HADHA: variants seen among roughly 807,000 people sequenced by gnomAD.
HADHA encodes the protein hydroxyacyl-CoA dehydrogenase trifunctional multienzyme complex subunit alpha.
Under a neutral mutation model 91.3 loss-of-function variants are expected in HADHA, and 59 were observed. The observed-to-expected ratio is 0.65, with a 90% CI of 0.52 to 0.80. The LOEUF (loss-of-function observed/expected upper bound fraction) is 0.80. HADHA is among the 30% of genes least tolerant of loss of function. The pLI is 0.00. For synonymous variants in HADHA, 320 were observed against 338.9 expected (o/e 0.94, Z 0.61); for missense variants, 800 against 927.6 (o/e 0.86, Z 1.79).
At chr2:26,192,264 T>C (rs1185888159) in intron 18 of HADHA, 46 bp downstream of exon 18, 2 of 979,692 alleles carry the variant, frequency 2.0e-6, no homozygotes, top group South Asian at 2.5e-5. Flanking sequence ...CTTTGGGCTG[T>C]CAGAGAAAGT....
At chr2:26,215,258 A>G in intron 7 of HADHA, 83 bp from the exon 8 acceptor site, 1 of 1,266,156 alleles carries the variant, frequency 7.9e-7, no homozygotes. Flanking sequence ...TGCCAAAGCC[A>G]AAGGCCCTAG....
chr2:26,232,703 G>A (rs1351121440), intron 5 of HADHA, among the ~76,000 whole-genome samples: 14 of 152,124 alleles, frequency 9.2e-5, no homozygotes. Context: ...ATCAAATTCT[G>A]CTTATAGTTT....
chr2:26,191,329 G>A lies in HADHA; in HGVS notation c.2213C>T (p.Ala738Val). The A allele has an allele frequency of 6.2e-7, 1 of 1,614,048 alleles. No homozygotes were observed. The highest frequency in any genetic ancestry group is 1.1e-5 in the South Asian group (1 of 91,076). ...KIVDRLKKYEAAYGKQFTPCQ... is the reference protein window; with the variant it reads ...KIVDRLKKYEVAYGKQFTPCQ... ...TGGGGTGAACTGTTTTCCATAGGCA[G>A]CTTCATATTTCTTGAGCCGGTCCAC... The change falls in exon 20 of 20, where the codon GCT (alanine) becomes GTT (valine). Residue 738 changes from alanine (A) to valine (V), a missense_variant. Coordinates refer to ENST00000380649, the MANE Select transcript of HADHA (RefSeq NM_000182.5).
chr2:26,201,606 C>T (rs963301558), intron 12 of HADHA, among the ~76,000 whole-genome samples: 16 of 152,154 alleles, frequency 1.1e-4, no homozygotes, highest in African/African-American at 3.6e-4. Context: ...CTAAATCACT[C>T]TTAAACCAGT....
In HADHA at chr2:26,214,245, A is replaced by G. The variant is rs985838205; in HGVS notation, c.918+198T>C. ...GCATCAATCAATGAGTAAGTCCAGC[A>G]CTGATTTTCCCCAAATATATCACTT... On this transcript the variant is annotated intron_variant, in intron 9 of 19. Coordinates refer to ENST00000380649, the MANE Select transcript of HADHA (RefSeq NM_000182.5). The surrounding 1 kb of genome is among the most constrained non-coding windows in gnomAD (Gnocchi z 4.1). 2.6e-5 allele frequency among the ~76,000 whole-genome samples: 4 copies of G among 152,194 alleles called. No homozygotes were observed. The highest frequency in any genetic ancestry group is 9.7e-5 in the African/African-American group (4 of 41,446).
chr2:26,199,857 G>T (rs933403249), intron 13 of HADHA, among the ~76,000 whole-genome samples: 2 of 152,194 alleles, frequency 1.3e-5, no homozygotes, highest in Non-Finnish European at 2.9e-5. Flanking sequence ...TGAGAGATGT[G>T]GGGGAAGCAG....
At chr2:26,198,067 G>T (rs538871015) in intron 13 of HADHA, among the ~76,000 whole-genome samples, 51 of 152,296 alleles carry the variant, frequency 3.3e-4, no homozygotes, top group South Asian at 1.7e-3. Context: ...CAATAAAACA[G>T]CTTAGAACAA....
chr2:26,200,630 G>A (rs1471733266), intron 13 of HADHA, among the ~76,000 whole-genome samples: 1 of 152,196 alleles, frequency 6.6e-6, no homozygotes, highest in South Asian at 2.1e-4. Context: ...CATGAATAAG[G>A]TGAACGCACC....
rs966451672 is a variant in HADHA, at chr2:26,191,091, A to G, written c.*159T>C. 6 of 710,110 alleles carry G rather than the reference A, an allele frequency of 8.4e-6. No individual in the cohort carries two copies. In the African/African-American group the frequency reaches 8.7e-5, roughly 10 times the overall value. The allele number at this position is 710,110 out of a possible 1,614,324, so 44.0% of individuals were successfully genotyped here. On this transcript the variant is annotated 3_prime_UTR_variant, in exon 20 of 20. Transcript: ENST00000380649. Reference sequence around the variant, plus strand: ...TCGAAGTCACACTTCACCAGGAGGGAGAGATGGTCTTGGCTGAAGGCACTT... The same window carrying G: ...TCGAAGTCACACTTCACCAGGAGGGGGAGATGGTCTTGGCTGAAGGCACTT...
rs1213262624 is a variant in HADHA at position 26,229,376 on chromosome 2, AATT to A, written c.676+813_676+815del. Among the ~76,000 whole-genome samples the A allele has an allele frequency of 6.6e-6, 1 of 151,986 alleles. No homozygotes were observed. Among genetic ancestry groups the A allele is most frequent in the African/African-American group, 2.4e-5 (1 of 41,370 alleles). On this transcript the variant is annotated intron_variant, in intron 7 of 19. Transcript: ENST00000380649. The surrounding 1 kb of genome is among the most constrained non-coding windows in gnomAD (Gnocchi z 4.3). The stretch of plus-strand genomic sequence containing the variant: ...CACACACACACACACACACACACAA[AATT>A]AATACATTTACTATTATGTAAGTAA...
rs73920251 is a variant in HADHA, at chr2:26,192,980, C to G, written c.1886-556G>C. Among the ~76,000 whole-genome samples, 542 of 152,236 alleles carry G rather than the reference C, an allele frequency of 3.6e-3. 4 individuals are homozygous for G. The highest frequency in any genetic ancestry group is 0.012 in the African/African-American group (509 of 41,512). On this transcript the variant is annotated intron_variant, in intron 17 of 19. Coordinates refer to ENST00000380649, the MANE Select transcript of HADHA (RefSeq NM_000182.5). ...AGTTTTAACATCCCCATATGCAGCA[C>G]CGGGTCCTAGAACACCCAGGTTGTA...
At position 26,193,099 on chromosome 2, in the gene HADHA, A is replaced by G. The variant is rs148557534; in HGVS notation, c.1885+478T>C. On this transcript the variant is annotated intron_variant, in intron 17 of 19. Transcript: ENST00000380649. ...TGGTGAGCTTATACATTCTCCTCAC[A>G]GGTGGCCAGACAGCATGGTAAAGCC... Among the ~76,000 whole-genome samples, 325 of 152,140 alleles carry G rather than the reference A, an allele frequency of 2.1e-3. 3 individuals carry two copies. Among genetic ancestry groups the G allele is most frequent in the African/African-American group, 7.6e-3 (316 of 41,478 alleles).
chr2:26,206,945 C>T (rs140159611), intron 11 of HADHA, among the ~76,000 whole-genome samples: 90 of 152,032 alleles, frequency 5.9e-4, no homozygotes, highest in African/African-American at 1.9e-3. Context: ...TGCCTATAAT[C>T]GTAGTGCTTT....
intron 16 of HADHA, among the ~76,000 whole-genome samples, chr2:26,193,978 C>T (rs921611219): frequency 6.6e-6 from 1 of 152,232 alleles, no homozygotes; most frequent in Non-Finnish European, 1.5e-5. Flanking sequence ...CTCTAATCTA[C>T]AGCACTTTAA....
intron 18 of HADHA, 78 bp from the exon 19 acceptor site, chr2:26,191,706 G>A: frequency 1.4e-6 from 2 of 1,443,082 alleles, no homozygotes; most frequent in East Asian, 4.5e-5. Flanking sequence ...CAGAATGGAA[G>A]TCGGGATGGG....
At chr2:26,222,269 AC>A (rs1670392731) in intron 7 of HADHA, among the ~76,000 whole-genome samples, 1 of 152,200 alleles carries the variant, frequency 6.6e-6, no homozygotes, top group Non-Finnish European at 1.5e-5. Flanking sequence ...AAACCTGCTA[AC>A]ACCTGATCTT....
At chr2:26,206,109 T>G (rs1453402521) in intron 11 of HADHA, among the ~76,000 whole-genome samples, 2 of 151,906 alleles carry the variant, frequency 1.3e-5, no homozygotes, top group Non-Finnish European at 2.9e-5. Flanking sequence ...GAAACCAGCC[T>G]GGGCAACACA....
intron 7 of HADHA, among the ~76,000 whole-genome samples, chr2:26,226,961 C>T (rs1003362659): frequency 1.3e-5 from 2 of 152,076 alleles, no homozygotes; most frequent in Non-Finnish European, 2.9e-5. Flanking sequence ...ATAAACCAGA[C>T]TTCATTAAAA....
intron 6 of HADHA, among the ~76,000 whole-genome samples, 169 bp from the exon 7 acceptor site, chr2:26,230,463 T>C (rs1468084714): frequency 6.6e-6 from 1 of 152,198 alleles, no homozygotes; most frequent in Non-Finnish European, 1.5e-5. Flanking sequence ...TGATATACAC[T>C]TGGGTAACTT....
Sources: gnomAD v4.1 joint callset for allele counts (sites outside exome capture counted in the v4.1 genomes callset) on GRCh38, gnomAD v4.1.1 for gene constraint, Gnocchi (gnomAD v3.1) non-coding constraint, MANE v1.5 for transcripts, NCBI Gene and HGNC (gene_info 2026-07-23, HGNC 2026-07-21) for gene names.